The following ELP3 variants were observed in gnomAD, a reference collection of about 807,000 sequenced individuals.
ELP3 encodes the protein elongator acetyltransferase complex subunit 3.
Under a neutral mutation model 74.9 loss-of-function variants are expected in ELP3, and 56 were observed. The observed-to-expected ratio is 0.75, with a 90% CI of 0.60 to 0.93. The LOEUF (loss-of-function observed/expected upper bound fraction) is 0.93. Ranked by LOEUF, ELP3 falls within the 40% of genes least tolerant of loss-of-function variation. The pLI is 0.00. For synonymous variants in ELP3, 222 were observed against 239.8 expected, an observed-to-expected ratio of 0.93 and a Z score of 0.68; for missense variants, 573 against 686.5, an observed-to-expected ratio of 0.83 and a Z score of 1.85.
In ELP3 at chr8:28,137,825, T is replaced by G. The variant is rs762548888; in HGVS notation, c.1034T>G (p.Leu345Arg). The change falls in exon 10 of 15, where the codon CTG becomes CGG. Residue 345 changes from leucine to arginine, a missense_variant. Transcript: ENST00000256398. ...TATAAGAGTTACTCTCCTAGTGACC[T>G]GGTTGAATTGGTGGCTCGGATCCTA... Reference protein sequence around the residue: ...GRYKSYSPSDLVELVARILAL... With the variant: ...GRYKSYSPSDRVELVARILAL... 1.2e-6 allele frequency: 2 copies of G among 1,614,066 alleles called. No individual in the cohort carries two copies. The highest frequency in any genetic ancestry group is 1.7e-6 in the Non-Finnish European group (2 of 1,179,968).
At chr8:28,132,475 T>G in intron 9 of ELP3, 71 bp downstream of exon 9, 1 of 1,588,584 alleles carries the variant, frequency 6.3e-7, no homozygotes, top group South Asian at 1.1e-5. Flanking sequence ...GTCTTGTTGC[T>G]TGTTCACTGT....
chr8:28,175,908 G>A (rs979383371), intron 14 of ELP3, among the ~76,000 whole-genome samples: 5 of 137,372 alleles, frequency 3.6e-5, no homozygotes, highest in Admixed American at 1.7e-4. Context: ...TCCGCCTCGC[G>A]GTTTCAAGCT....
At chr8:28,162,250 G>T (rs777417017) in intron 14 of ELP3, among the ~76,000 whole-genome samples, 172 bp downstream of exon 14, 9 of 152,204 alleles carry the variant, frequency 5.9e-5, no homozygotes, top group Non-Finnish European at 1.2e-4. Context: ...GCAGTTTAGT[G>T]GAATAGAGAT....
chr8:28,096,045 C>T (rs1444723255), intron 1 of ELP3, among the ~76,000 whole-genome samples: 1 of 152,200 alleles, frequency 6.6e-6, no homozygotes, highest in Non-Finnish European at 1.5e-5. Flanking sequence ...CCTCCTGTCA[C>T]ATCAGCAGTG....
At chr8:28,176,355 C>G (rs1428599736) in intron 14 of ELP3, among the ~76,000 whole-genome samples, 1 of 152,184 alleles carries the variant, frequency 6.6e-6, no homozygotes, top group Non-Finnish European at 1.5e-5. Flanking sequence ...CTGGTCCTTC[C>G]AGGAACCTCC....
chr8:28,131,443 G>A (rs898132931), intron 8 of ELP3, among the ~76,000 whole-genome samples: 57 of 152,232 alleles, frequency 3.7e-4, no homozygotes, highest in African/African-American at 1.3e-3. Flanking sequence ...ATTCATGAGA[G>A]AGGCCTGGCC....
intron 14 of ELP3, among the ~76,000 whole-genome samples, chr8:28,188,133 C>T (rs978943604): frequency 1.3e-5 from 2 of 152,132 alleles, no homozygotes; most frequent in Non-Finnish European, 1.5e-5. Flanking sequence ...TGCTGCTGAT[C>T]GCTCTCCCCG....
upstream of ELP3, chr8:28,092,986 C>T (rs1811098429): frequency 1.5e-6 from 1 of 678,748 alleles, no homozygotes; most frequent in Admixed American, 2.3e-5. Context: ...ATCCCTGAGA[C>T]CCGGGGCAGG....
At chr8:28,107,601 C>T (rs116319109) in intron 4 of ELP3, among the ~76,000 whole-genome samples, 4 of 152,298 alleles carry the variant, frequency 2.6e-5, no homozygotes, top group African/African-American at 7.2e-5. Flanking sequence ...CCCAAGAGAA[C>T]ACTGAGTATT....
intron 7 of ELP3, among the ~76,000 whole-genome samples, chr8:28,116,016 G>C (rs7012681): frequency 0.53 from 80,007 of 151,940 alleles, 21,893 homozygotes; most frequent in East Asian, 0.89. Flanking sequence ...TTATTACCCT[G>C]TAAGTAAAGC....
chr8:28,108,019 GCTTT>G, intron 5 of ELP3, 43 bp downstream of exon 5: 1 of 1,526,948 alleles, frequency 6.5e-7, no homozygotes, highest in South Asian at 1.1e-5. Flanking sequence ...GTTGCATCAT[GCTTT>G]ACCTGTAGTA....
chr8:28,184,541 T>C (rs542791822), intron 14 of ELP3, among the ~76,000 whole-genome samples: 1 of 152,312 alleles, frequency 6.6e-6, no homozygotes, highest in South Asian at 2.1e-4. Context: ...GCAGCTCTTT[T>C]AACCAGCATG....
intron 4 of ELP3, among the ~76,000 whole-genome samples, chr8:28,107,454 CAT>C (rs1811743342): frequency 1.3e-5 from 2 of 152,070 alleles, no homozygotes; most frequent in South Asian, 2.1e-4. Flanking sequence ...GGATCAGAAA[CAT>C]ATCAAAATAA....
chr8:28,170,493 G>T (rs17058684), intron 14 of ELP3, among the ~76,000 whole-genome samples: 43,911 of 151,990 alleles, frequency 0.29, 6,732 homozygotes, highest in East Asian at 0.57. Flanking sequence ...CTTCCGTGAG[G>T]ACATGCCTCT....
chr8:28,093,873 G>A (rs1811146324), intron 1 of ELP3, among the ~76,000 whole-genome samples: 1 of 152,188 alleles, frequency 6.6e-6, no homozygotes, highest in Non-Finnish European at 1.5e-5. Context: ...TATTGAGCTT[G>A]TATTTTGAAG....
chr8:28,110,718 A>G (rs576323817), intron 6 of ELP3: 103 of 314,812 alleles, frequency 3.3e-4, no homozygotes, highest in African/African-American at 2.1e-3. Context: ...TTTGTGGAAT[A>G]AAGATGTATG....
At chr8:28,095,010 G>C (rs1455349206) in intron 1 of ELP3, among the ~76,000 whole-genome samples, 1 of 152,082 alleles carries the variant, frequency 6.6e-6, no homozygotes, top group African/African-American at 2.4e-5. Flanking sequence ...ACTGTCTGTT[G>C]CATTCCATTT....
chr8:28,140,005 C>G (rs1046304261), intron 10 of ELP3, among the ~76,000 whole-genome samples: 1 of 152,050 alleles, frequency 6.6e-6, no homozygotes, highest in Non-Finnish European at 1.5e-5. Flanking sequence ...AGGTTATATG[C>G]AAATACTACA....
At chr8:28,110,802 CCATGCGCAATGGCT>C in intron 6 of ELP3, 2 of 209,530 alleles carry the variant, frequency 9.5e-6, no homozygotes, top group South Asian at 1.6e-4. Context: ...TTTTGACTGG[CCATGCGCAATGGCT>C]CATGCCTGTA....
Sources: allele counts gnomAD v4.1 joint callset (sites outside exome capture counted in the v4.1 genomes callset), GRCh38; gene constraint gnomAD v4.1.1; transcripts MANE v1.5; gene names NCBI Gene and HGNC (gene_info 2026-07-23, HGNC 2026-07-21).